DCDC1: variants seen among roughly 807,000 people sequenced by gnomAD.
DCDC1 encodes the protein doublecortin domain-containing protein 1.
A neutral mutation model predicts 178.3 loss-of-function variants in DCDC1; 200 were observed. The ratio of observed to expected loss-of-function variants is 1.12; its 90% CI spans 1.00 to 1.26. The LOEUF (loss-of-function observed/expected upper bound fraction) is 1.26, where lower values mean the gene tolerates loss of function less well. Among genes scored for constraint, DCDC1 ranks in the 50% most tolerant of loss-of-function variants. The pLI is 0.00. For missense variants in DCDC1, 1,983 were observed against 1,749.2 expected, an observed-to-expected ratio of 1.13 and a Z score of -2.38; for synonymous variants, 690 against 604.8, an observed-to-expected ratio of 1.14 and a Z score of -2.07.
chr11:31,114,635 G>A (rs1959589800), intron 11 of DCDC1, among the ~76,000 whole-genome samples: 1 of 152,162 alleles, frequency 6.6e-6, no homozygotes, highest in Non-Finnish European at 1.5e-5. Context: ...AAGCAAGACA[G>A]GAATGTGTCC....
chr11:30,866,324 G>A (rs190394711), intron 38 of DCDC1, among the ~76,000 whole-genome samples: 12 of 152,146 alleles, frequency 7.9e-5, no homozygotes, highest in African/African-American at 1.2e-4. Flanking sequence ...TCAAGGTGTC[G>A]GCAGATTTGG....
chr11:31,172,840 A>G (rs1967431141), intron 9 of DCDC1, among the ~76,000 whole-genome samples: 1 of 152,192 alleles, frequency 6.6e-6, no homozygotes, highest in South Asian at 2.1e-4. Context: ...GAATGGAGAG[A>G]CAGAAGAAAA....
At chr11:30,873,390 A>G (rs1236742076) in intron 38 of DCDC1, among the ~76,000 whole-genome samples, 2 of 141,732 alleles carry the variant, frequency 1.4e-5, no homozygotes, top group African/African-American at 5.6e-5. Context: ...GAGAGAGAAC[A>G]AACTGGTATA....
At chr11:30,873,364 T>TATAG (rs1228106379) in intron 38 of DCDC1, among the ~76,000 whole-genome samples, 235 of 137,082 alleles carry the variant, frequency 1.7e-3, no homozygotes, top group African/African-American at 5.8e-3. Flanking sequence ...TATATATATA[T>TATAG]AGAGAGAGAG....
At chr11:31,256,017 G>A (rs912189153) in intron 8 of DCDC1, among the ~76,000 whole-genome samples, 3 of 152,086 alleles carry the variant, frequency 2.0e-5, no homozygotes, top group African/African-American at 7.2e-5. Flanking sequence ...TGAAGTATGG[G>A]TCCAACTTCA....
At chr11:30,879,099 G>A (rs1942407527) in intron 37 of DCDC1, among the ~76,000 whole-genome samples, 1 of 152,106 alleles carries the variant, frequency 6.6e-6, no homozygotes, top group Admixed American at 6.6e-5. Context: ...CATTCTAATA[G>A]CTTCTGGTTT....
intron 20 of DCDC1, among the ~76,000 whole-genome samples, chr11:31,043,430 T>C (rs1954611455): frequency 6.6e-6 from 1 of 152,122 alleles, no homozygotes; most frequent in East Asian, 1.9e-4. Flanking sequence ...AATAGAAAAG[T>C]TGGAGAAGTA....
intron 28 of DCDC1, 124 bp from the exon 29 acceptor site, chr11:30,909,240 T>C: frequency 1.5e-6 from 1 of 679,926 alleles, no homozygotes. Flanking sequence ...CAGTGACAAC[T>C]ACTACTCTTG....
chr11:31,203,834 T>C (rs1209666384), intron 9 of DCDC1, among the ~76,000 whole-genome samples: 1 of 152,124 alleles, frequency 6.6e-6, no homozygotes, highest in Non-Finnish European at 1.5e-5. Flanking sequence ...CTATTCAACA[T>C]TACACTGGAA....
At chr11:31,310,390 C>T (rs542869454) in intron 3 of DCDC1, among the ~76,000 whole-genome samples, 6 of 135,618 alleles carry the variant, frequency 4.4e-5, no homozygotes, top group Admixed American at 4.3e-4. Context: ...GCAATCTCAG[C>T]TCACTGCAAC....
At chr11:31,325,179 T>C (rs1949581195) in intron 3 of DCDC1, among the ~76,000 whole-genome samples, 2 of 152,144 alleles carry the variant, frequency 1.3e-5, no homozygotes, top group African/African-American at 4.8e-5. Flanking sequence ...AATTGTAATT[T>C]GGAGATCTTC....
intron 9 of DCDC1, among the ~76,000 whole-genome samples, chr11:31,192,117 C>T (rs1046002630): frequency 5.3e-5 from 8 of 152,092 alleles, no homozygotes; most frequent in Non-Finnish European, 1.2e-4. Flanking sequence ...CAAAATCTCT[C>T]GAATCTTTTC....
At chr11:30,900,538 T>A in intron 32 of DCDC1, 40 bp from the exon 33 acceptor site, 1 of 1,378,600 alleles carries the variant, frequency 7.3e-7, no homozygotes, top group African/African-American at 1.5e-5. Flanking sequence ...GTTCAACGAA[T>A]AATGAATAAA....
Position 30,904,953 on chromosome 11 carries a change from C to T in DCDC1, c.4308+8G>A. 2 of 1,613,410 alleles carry T rather than the reference C, an allele frequency of 1.2e-6. No individual in the cohort carries two copies. The highest frequency in any genetic ancestry group is 1.7e-6 in the Non-Finnish European group (2 of 1,179,440). ...GATGCAAGCAGCATTTAAGTGATAG[C>T]CACTTACCATGGGGAATGTTCCAGC... On this transcript the variant is annotated splice_region_variant and intron_variant, in intron 31 of 38. Transcript: ENST00000684477.
chr11:31,354,620 C>A (rs961380192), intron 1 of DCDC1, among the ~76,000 whole-genome samples: 1 of 152,242 alleles, frequency 6.6e-6, no homozygotes, highest in African/African-American at 2.4e-5. Context: ...AATGACAGGT[C>A]ATATTATCAC....
At chr11:30,998,240 C>G (rs1951380088) in intron 20 of DCDC1, among the ~76,000 whole-genome samples, 1 of 152,048 alleles carries the variant, frequency 6.6e-6, no homozygotes, top group South Asian at 2.1e-4. Flanking sequence ...TGCAGTGAGC[C>G]ATGATTGTGC....
At chr11:30,954,470 C>T (rs1487725130) in intron 20 of DCDC1, among the ~76,000 whole-genome samples, 1 of 152,086 alleles carries the variant, frequency 6.6e-6, no homozygotes, top group African/African-American at 2.4e-5. Context: ...CATAAAGATA[C>T]AGAAAACTAG....
intron 21 of DCDC1, among the ~76,000 whole-genome samples, chr11:30,950,909 C>G (rs941803233): frequency 2.0e-5 from 3 of 151,884 alleles, no homozygotes; most frequent in African/African-American, 7.3e-5. Context: ...GATGGATACT[C>G]TAATTACTCT....
At chr11:30,944,119 A>AT (rs1295499896) in intron 21 of DCDC1, 2 of 320,422 alleles carry the variant, frequency 6.2e-6, no homozygotes, top group Non-Finnish European at 1.2e-5. Context: ...CACAGTGACT[A>AT]TATGACTAAA....
Sources: gnomAD v4.1 joint callset for allele counts (sites outside exome capture counted in the v4.1 genomes callset) on GRCh38, gnomAD v4.1.1 for gene constraint, MANE v1.5 for transcripts, NCBI Gene and HGNC (gene_info 2026-07-23, HGNC 2026-07-21) for gene names.